YLPM1: variants seen among roughly 807,000 people sequenced by gnomAD.
The protein encoded by YLPM1 is YLP motif containing 1, also known as YLP motif-containing protein 1.
In YLPM1, 99 loss-of-function variants were observed where a neutral mutation model predicts 230.0. That is an observed-to-expected ratio of 0.43 (90% CI 0.37 to 0.51). The LOEUF is 0.51. Ranked by LOEUF, YLPM1 falls within the 20% of genes least tolerant of loss-of-function variation. YLPM1 has a pLI of 0.00. For synonymous variants in YLPM1, 984 were observed against 942.5 expected, an observed-to-expected ratio of 1.04 and a Z score of -0.81; for missense variants, 2,592 against 2,707.7, an observed-to-expected ratio of 0.96 and a Z score of 0.95.
Position 74,818,250 on chromosome 14 carries a change from CTG to C in YLPM1, c.5967_5968del (p.Ala1990ThrfsTer19). ...CAATAGATGGCTGATCACTGGGAAA[CTG>C]CACCTCGTCACATGATGCGTCTAGA... is the stretch of plus-strand genomic sequence containing the variant. On this transcript the variant is annotated frameshift_variant, in exon 16 of 21. Transcript: ENST00000325680. LOFTEE classifies it high-confidence loss of function. The C allele has an allele frequency of 6.2e-7, 1 of 1,603,430 alleles. No homozygotes were observed. The highest frequency in any genetic ancestry group is 8.5e-7 in the Non-Finnish European group (1 of 1,175,198).
chr14:74,803,467 A>T (rs796716405), intron 6 of YLPM1, among the ~76,000 whole-genome samples: 137 of 152,284 alleles, frequency 9.0e-4, no homozygotes, highest in African/African-American at 3.2e-3. Context: ...TTCATTTCTC[A>T]GTGTTCCCTT....
At chr14:74,783,569 A>T (rs1306657992) in intron 4 of YLPM1, among the ~76,000 whole-genome samples, 1 of 152,224 alleles carries the variant, frequency 6.6e-6, no homozygotes, top group African/African-American at 2.4e-5. Context: ...TGAGTAGATT[A>T]TCTTATAACT....
Position 74,764,290 on chromosome 14 carries a change from T to C in YLPM1, c.801T>C (p.Ser267=), listed in dbSNP as rs374055401. The stretch of plus-strand genomic sequence containing the variant: ...CTGTCCAGCAAGAGCCTTTGGAGAG[T>C]GGGGCCAAAAACAAGAGTACTGAAC... ...KTTVQQEPLE[S]GAKNKSTEQQ... is the part of the protein sequence containing the mutation. Residue 267 remains serine (S), a synonymous_variant, in exon 1 of 21, where the codon AGT becomes AGC. Coordinates refer to ENST00000325680, the MANE Select transcript of YLPM1 (RefSeq NM_019589.3). 5.2e-5 allele frequency: 84 copies of C among 1,613,066 alleles called. No homozygotes were observed. In the African/African-American group the frequency reaches 9.8e-4, roughly 19 times the overall value.
intron 19 of YLPM1, among the ~76,000 whole-genome samples, chr14:74,829,727 T>C (rs1379882007): frequency 6.6e-6 from 1 of 152,170 alleles, no homozygotes; most frequent in Non-Finnish European, 1.5e-5. Flanking sequence ...CCCTTGGTAC[T>C]CTGGCCATGA....
intron 4 of YLPM1, among the ~76,000 whole-genome samples, chr14:74,784,732 A>G (rs901523771): frequency 2.0e-5 from 3 of 152,256 alleles, no homozygotes; most frequent in Non-Finnish European, 4.4e-5. Flanking sequence ...AGAATGAATT[A>G]TCCTATGCCT....
At chr14:74,835,615 G>A (rs2091637484) in intron 20 of YLPM1, among the ~76,000 whole-genome samples, 160 bp from the exon 21 acceptor site, 1 of 152,112 alleles carries the variant, frequency 6.6e-6, no homozygotes, top group South Asian at 2.1e-4. Flanking sequence ...ATTAGAAAAG[G>A]AAGCCATTTT....
rs1594801872 is a variant in YLPM1 at position 74,763,392 on chromosome 14, G to T, written c.-98G>T. 1 of 1,358,156 alleles carries T rather than the reference G, an allele frequency of 7.4e-7. No homozygotes were observed. The highest frequency in any genetic ancestry group is 1.5e-5 in the African/African-American group (1 of 66,064). The allele number at this position is 1,358,156 out of a possible 1,614,324, so 84.1% of individuals were successfully genotyped here. A position where few individuals can be genotyped will look rare whatever the true frequency, so the allele number is the denominator to read the frequency against. On this transcript the variant is annotated 5_prime_UTR_variant, in exon 1 of 21. Coordinates refer to ENST00000325680, the MANE Select transcript of YLPM1 (RefSeq NM_019589.3). ...TTTACACGCTCCGGGGCCTGTAGGC[G>T]CCGCGAGTTCCGGCTGTCGCCGTCG...
chr14:74,786,935 C>G (rs1310863832), intron 4 of YLPM1, among the ~76,000 whole-genome samples: 4 of 152,128 alleles, frequency 2.6e-5, no homozygotes, highest in Non-Finnish European at 5.9e-5. Context: ...TTCAGTGTTT[C>G]AGTTTTTTTG....
Position 74,802,549 on chromosome 14 carries a change from T to C in YLPM1, c.4401-7T>C. On this transcript the variant is annotated splice_region_variant and splice_polypyrimidine_tract_variant and intron_variant, in intron 5 of 20. Transcript: ENST00000325680. ...TTATGTACTATGTCAATTTTATTTG[T>C]TTGCAGGGAACAGAAAGAACAGCTT... 1 of 1,609,020 alleles carries C rather than the reference T, an allele frequency of 6.2e-7. No homozygotes were observed. The highest frequency in any genetic ancestry group is 8.5e-7 in the Non-Finnish European group (1 of 1,178,428).
chr14:74,786,633 C>T (rs572361159), intron 4 of YLPM1, among the ~76,000 whole-genome samples: 4 of 152,202 alleles, frequency 2.6e-5, no homozygotes, highest in South Asian at 2.1e-4. Flanking sequence ...AGTTTATTCC[C>T]GTTCCTGTAC....
At chr14:74,778,386 C>A in intron 1 of YLPM1, 61 bp from the exon 2 acceptor site, 2 of 1,451,414 alleles carry the variant, frequency 1.4e-6, no homozygotes, top group Admixed American at 2.1e-5. Flanking sequence ...TCCTTGTCAA[C>A]ACCAAGTTGC....
chr14:74,797,942 C>T lies in YLPM1; in HGVS notation c.2645C>T (p.Ala882Val), dbSNP rs754592650. ...NQQKNFKMQS[A>V]AFSIAADVKD... ...CAGAAGAATTTTAAAATGCAATCAG[C>T]TGCATTTTCCATTGCTGCAGATGTA... The change falls in exon 5 of 21, where the codon GCT (alanine) becomes GTT (valine). Residue 882 changes from alanine to valine, a missense_variant. Ala to Val is a moderately conservative substitution (Grantham distance 64, BLOSUM62 0). Coordinates refer to ENST00000325680, the MANE Select transcript of YLPM1 (RefSeq NM_019589.3). The T allele has an allele frequency of 1.2e-6, 2 of 1,613,814 alleles. No homozygotes were observed. The highest frequency in any genetic ancestry group is 2.2e-5 in the South Asian group (2 of 91,046).
intron 1 of YLPM1, among the ~76,000 whole-genome samples, chr14:74,771,158 G>A (rs1167316948): frequency 1.3e-5 from 2 of 152,182 alleles, no homozygotes; most frequent in Non-Finnish European, 2.9e-5. Flanking sequence ...AAAATCATGA[G>A]TTAGGTTTCA....
At chr14:74,832,936 A>G (rs1594849835) in intron 19 of YLPM1, among the ~76,000 whole-genome samples, 1 of 148,308 alleles carries the variant, frequency 6.7e-6, no homozygotes, top group South Asian at 2.1e-4. Context: ...ATTGATCAGT[A>G]TATTTAACTA....
chr14:74,773,256 C>A (rs955144384), intron 1 of YLPM1, among the ~76,000 whole-genome samples: 1 of 151,684 alleles, frequency 6.6e-6, no homozygotes, highest in Admixed American at 6.6e-5. Flanking sequence ...CCACTGCGCT[C>A]CAGCCTGGGC....
chr14:74,807,068 A>T (rs2091386670), intron 6 of YLPM1, among the ~76,000 whole-genome samples: 1 of 152,138 alleles, frequency 6.6e-6, no homozygotes, highest in South Asian at 2.1e-4. Flanking sequence ...TTAAAAGTTT[A>T]CCTTTAGGTA....
intron 1 of YLPM1, among the ~76,000 whole-genome samples, chr14:74,769,196 T>G (rs1767392124): frequency 6.8e-6 from 1 of 146,182 alleles, no homozygotes; most frequent in Non-Finnish European, 1.5e-5. Flanking sequence ...TGCCTCAGCC[T>G]CCCTAGTAAC....
intron 4 of YLPM1, among the ~76,000 whole-genome samples, chr14:74,795,675 A>G (rs964069290): frequency 6.6e-6 from 1 of 152,198 alleles, no homozygotes; most frequent in Non-Finnish European, 1.5e-5. Flanking sequence ...TGTAAAGATG[A>G]TCTTTAAACT....
chr14:74,763,339 G>A lies in YLPM1; in HGVS notation c.-151G>A, dbSNP rs554136590. The A allele has an allele frequency of 1.4e-5, 13 of 945,866 alleles. No individual in the cohort carries two copies. In the African/African-American group the frequency reaches 1.9e-4, roughly 14 times the overall value. 58.6% of individuals were successfully genotyped at this position (945,866 alleles called of 1,614,324 possible). On this transcript the variant is annotated 5_prime_UTR_variant, in exon 1 of 21. Coordinates refer to ENST00000325680, the MANE Select transcript of YLPM1 (RefSeq NM_019589.3). ...GCCTTCCCGGTCGCGGGCCCAGCTCGGGAGCGCCGGCGCACTGGCGCGCTC... is the reference window on the plus strand; with the variant it reads ...GCCTTCCCGGTCGCGGGCCCAGCTCAGGAGCGCCGGCGCACTGGCGCGCTC...
Sources: gnomAD v4.1 joint callset for allele counts (sites outside exome capture counted in the v4.1 genomes callset) on GRCh38, gnomAD v4.1.1 for gene constraint, MANE v1.5 for transcripts, NCBI Gene and HGNC (gene_info 2026-07-23, HGNC 2026-07-21) for gene names.